KLHL8: variants seen among roughly 807,000 people sequenced by gnomAD.
KLHL8 encodes kelch like family member 8, also known as kelch-like protein 8.
A neutral mutation model predicts 63.5 loss-of-function variants in KLHL8; 38 were observed. The observed-to-expected ratio is 0.60, with a 90% CI of 0.46 to 0.78. The LOEUF is 0.78. KLHL8 is among the 30% of genes least tolerant of loss of function. The pLI, the probability that KLHL8 is intolerant of heterozygous loss-of-function variation, is 0.00. For missense variants in KLHL8, 566 were observed against 752.4 expected (o/e 0.75, Z 2.90); for synonymous variants, 224 against 254.3 (o/e 0.88, Z 1.13).
intron 8 of KLHL8, among the ~76,000 whole-genome samples, chr4:87,165,156 A>G (rs1475030994): frequency 1.3e-5 from 2 of 150,718 alleles, no homozygotes; most frequent in Non-Finnish European, 1.5e-5. Context: ...TCTCAAAAAA[A>G]AAAAAAAAAA....
At chr4:87,209,869 T>C (rs1337306376) in intron 1 of KLHL8, among the ~76,000 whole-genome samples, 1 of 148,890 alleles carries the variant, frequency 6.7e-6, no homozygotes, top group Non-Finnish European at 1.5e-5. Context: ...TTTTTTTTTT[T>C]TGAGGCAAGG....
At chr4:87,164,803 G>GC (rs934452095) in intron 8 of KLHL8, among the ~76,000 whole-genome samples, 6 of 152,060 alleles carry the variant, frequency 3.9e-5, no homozygotes, top group African/African-American at 1.2e-4. Context: ...TTTGGTGACA[G>GC]CCTAATTTAC....
At chr4:87,193,920 T>A (rs2110011315) in intron 2 of KLHL8, among the ~76,000 whole-genome samples, 2 of 152,350 alleles carry the variant, frequency 1.3e-5, no homozygotes, top group East Asian at 3.9e-4. Flanking sequence ...AATACTGATT[T>A]ACTAGCGGAA....
chr4:87,179,417 T>C (rs1730963031), intron 4 of KLHL8, among the ~76,000 whole-genome samples: 1 of 152,192 alleles, frequency 6.6e-6, no homozygotes, highest in Admixed American at 6.5e-5. Context: ...TTTGATAGCC[T>C]TCCATTACCT....
Position 87,195,688 on chromosome 4 carries a change from T to C in KLHL8, c.-149A>G. ...TCAACTGCCATTGTACAGTTTGCTG[T>C]GACTGAAAAATCAACAATAAAACAG... On this transcript the variant is annotated splice_region_variant and 5_prime_UTR_variant, in exon 2 of 10. Coordinates refer to ENST00000273963, the MANE Select transcript of KLHL8 (RefSeq NM_020803.5). 3.4e-6 allele frequency: 2 copies of C among 590,814 alleles called. No homozygotes were observed. 36.6% of individuals were successfully genotyped at this position (590,814 alleles called of 1,614,324 possible). A position where few individuals can be genotyped will look rare whatever the true frequency, so the allele number is the denominator to read the frequency against.
chr4:87,183,436 G>A, intron 3 of KLHL8, 47 bp from the exon 4 acceptor site: 5 of 1,369,656 alleles, frequency 3.7e-6, no homozygotes, highest in African/African-American at 2.9e-5. Context: ...TATTTTCTTG[G>A]GAAAATATAA....
intron 3 of KLHL8, among the ~76,000 whole-genome samples, chr4:87,184,088 C>G (rs10016360): frequency 6.6e-6 from 1 of 152,180 alleles, no homozygotes; most frequent in Admixed American, 6.5e-5. Flanking sequence ...TGCAAGACTT[C>G]GTTGCAGCAG....
Position 87,172,205 on chromosome 4 carries a change from T to TG in KLHL8, c.1209-1591dup, listed in dbSNP as rs755155868. On this transcript the variant is annotated intron_variant, in intron 6 of 9. Coordinates refer to ENST00000273963, the MANE Select transcript of KLHL8 (RefSeq NM_020803.5). The stretch of plus-strand genomic sequence containing the variant: ...CAGTGTGCCATTGCTTGTTTGAAGG[T>TG]GGGGGGGAACATGTGGGAAGGATCT... Among the ~76,000 whole-genome samples, 5 of 151,940 alleles carry TG rather than the reference T, an allele frequency of 3.3e-5. No individual in the cohort carries two copies. The East Asian group carries it at 7.7e-4, about 23-fold the overall frequency.
chr4:87,235,948 G>A (rs1291546364), intron 1 of KLHL8, among the ~76,000 whole-genome samples: 1 of 152,136 alleles, frequency 6.6e-6, no homozygotes, highest in East Asian at 1.9e-4. Context: ...TGGAAACGTT[G>A]TAAAATGCTT....
intron 8 of KLHL8, chr4:87,166,762 AGT>A (rs1303623433): frequency 6.6e-6 from 1 of 152,408 alleles, no homozygotes; most frequent in Non-Finnish European, 1.5e-5. Context: ...TCTGCAATTC[AGT>A]AAGTCAAAAA....
chr4:87,191,100 G>A (rs906096995), intron 2 of KLHL8, among the ~76,000 whole-genome samples: 4 of 152,106 alleles, frequency 2.6e-5, no homozygotes, highest in Admixed American at 2.0e-4. Context: ...AATGAATAGT[G>A]AAGAGTGTAT....
rs553542680 is a variant in KLHL8 at position 87,207,447 on chromosome 4, C to G, written c.-151-11757G>C. 2.9e-5 allele frequency: 21 copies of G among 719,310 alleles called. No individual in the cohort carries two copies. The African/African-American group carries it at 3.3e-4, about 11-fold the overall frequency. The allele number at this position is 719,310 out of a possible 1,614,324, so 44.6% of individuals were successfully genotyped here. On this transcript the variant is annotated intron_variant, in intron 1 of 9. Transcript: ENST00000273963. Reference sequence around the variant, plus strand: ...AGGAAGGAGCCAAAAGGGTCATCATCTCTCCCCACTTTGTTGACGCCCCCA... The same window carrying G: ...AGGAAGGAGCCAAAAGGGTCATCATGTCTCCCCACTTTGTTGACGCCCCCA...
At position 87,226,936 on chromosome 4, in the gene KLHL8, A is replaced by T. The variant is rs1179312001; in HGVS notation, n.58-5546T>A. On this transcript the variant is annotated intron_variant and non_coding_transcript_variant, in intron 1 of 1. Transcript: ENST00000506274. ...ATAAATAATATATATATTATATATA[A>T]ATAATATATATTATATATAAGTAAT... 1.6e-3 allele frequency among the ~76,000 whole-genome samples: 80 copies of T among 49,566 alleles called. 27 individuals carry two copies. The highest frequency in any genetic ancestry group is 4.0e-3 in the African/African-American group (56 of 13,834). 32.5% of individuals were successfully genotyped at this position (49,566 alleles called of 152,430 possible). A position where few individuals can be genotyped will look rare whatever the true frequency, so the allele number is the denominator to read the frequency against.
chr4:87,164,919 G>GC (rs1730320663), intron 8 of KLHL8, among the ~76,000 whole-genome samples: 1 of 151,814 alleles, frequency 6.6e-6, no homozygotes, highest in Non-Finnish European at 1.5e-5. Flanking sequence ...GAGGCCAAGG[G>GC]GGGCCGATCA....
In KLHL8 at chr4:87,207,915, T is replaced by C. The variant is rs528634079; in HGVS notation, c.-151-12225A>G. The C allele has an allele frequency of 6.1e-6, 8 of 1,321,048 alleles. No individual in the cohort carries two copies. In the African/African-American group the frequency reaches 8.7e-5, roughly 14 times the overall value. 81.8% of individuals were successfully genotyped at this position (1,321,048 alleles called of 1,614,324 possible). A position where few individuals can be genotyped will look rare whatever the true frequency, so the allele number is the denominator to read the frequency against. On this transcript the variant is annotated intron_variant, in intron 1 of 9. Transcript: ENST00000273963. ...CCCTCAAGGGCATCCTGGGCTACAC[T>C]GAGCACCAGGCTGTCTCCTCCAACT... is the stretch of plus-strand genomic sequence containing the variant.
At chr4:87,225,180 T>A (rs1023420952), upstream of KLHL8, among the ~76,000 whole-genome samples, 2 of 152,280 alleles carry the variant, frequency 1.3e-5, no homozygotes, top group South Asian at 4.1e-4. Flanking sequence ...CTCTTTCTAA[T>A]CATCTAGTAT....
chr4:87,163,818 G>A (rs1486131522), intron 9 of KLHL8, 60 bp downstream of exon 9: 6 of 1,558,956 alleles, frequency 3.8e-6, no homozygotes, highest in Non-Finnish European at 5.3e-6. Context: ...TTAACACTCT[G>A]AAGTAATCTA....
rs1730652239 is a variant in KLHL8, at chr4:87,172,020, TCC to T, written c.1209-1407_1209-1406del. ...AGGCAGAATTTTAAGATACTCCTCA[TCC>T]CCCATGACCTTCATCCCCTGGTGTT... On this transcript the variant is annotated intron_variant, in intron 6 of 9. Transcript: ENST00000273963. 3.9e-5 allele frequency among the ~76,000 whole-genome samples: 6 copies of T among 152,210 alleles called. No homozygotes were observed. The South Asian group carries it at 1.2e-3, about 32-fold the overall frequency.
chr4:87,173,416 CT>C (rs1730708185), intron 6 of KLHL8, among the ~76,000 whole-genome samples: 1 of 151,964 alleles, frequency 6.6e-6, no homozygotes, highest in Non-Finnish European at 1.5e-5. Context: ...GCATTTAAAA[CT>C]TTTTTTTGAA....
Sources: allele counts gnomAD v4.1 joint callset (sites outside exome capture counted in the v4.1 genomes callset), GRCh38; gene constraint gnomAD v4.1.1; transcripts MANE v1.5; gene names NCBI Gene and HGNC (gene_info 2026-07-23, HGNC 2026-07-21).